The following THADA variants were observed in gnomAD, a reference collection of about 807,000 sequenced individuals.
THADA encodes tRNA (32-2'-O)-methyltransferase regulator THADA.
Under a neutral mutation model 219.8 loss-of-function variants are expected in THADA, and 213 were observed. That is an observed-to-expected ratio of 0.97 (90% CI 0.87 to 1.09). The LOEUF is 1.09. Among genes scored for constraint, THADA ranks in the 50% least tolerant of loss-of-function variants. THADA has a pLI of 0.00. For missense variants in THADA, 2,956 were observed against 2,311.3 expected (o/e 1.28, Z -5.72); for synonymous variants, 1,018 against 828.9 (o/e 1.23, Z -3.92).
At chr2:43,560,443 T>A in intron 15 of THADA, 58 bp from the exon 16 acceptor site, 1 of 1,296,662 alleles carries the variant, frequency 7.7e-7, no homozygotes, top group Non-Finnish European at 1.0e-6. Context: ...ATCAGTCTTC[T>A]GAAGTTATTT....
intron 29 of THADA, among the ~76,000 whole-genome samples, chr2:43,387,144 T>C (rs1368502427): frequency 6.6e-6 from 1 of 152,204 alleles, no homozygotes; most frequent in Non-Finnish European, 1.5e-5. Flanking sequence ...AGACAGCAAC[T>C]GTACCTAGCA....
intron 26 of THADA, among the ~76,000 whole-genome samples, chr2:43,431,641 A>C (rs1348838575): frequency 4.7e-3 from 59 of 12,470 alleles, no homozygotes; most frequent in African/African-American, 0.024. Context: ...AATTTTTTGT[A>C]CTTTTTTTTT....
intron 36 of THADA, among the ~76,000 whole-genome samples, chr2:43,234,127 A>G (rs1667753480): frequency 6.6e-6 from 1 of 152,186 alleles, no homozygotes; most frequent in Non-Finnish European, 1.5e-5. Flanking sequence ...CTGTCTCCCC[A>G]GTCCTTCTAG....
intron 36 of THADA, among the ~76,000 whole-genome samples, chr2:43,252,939 A>G (rs1405353546): frequency 6.6e-6 from 1 of 152,186 alleles, no homozygotes; most frequent in Admixed American, 6.5e-5. Flanking sequence ...CTGATCCTCT[A>G]TATAAACTGT....
chr2:43,243,117 C>T (rs566580568), intron 36 of THADA, among the ~76,000 whole-genome samples: 1 of 152,314 alleles, frequency 6.6e-6, no homozygotes, highest in African/African-American at 2.4e-5. Flanking sequence ...GCTAGGGCAC[C>T]TGCTGGGCAG....
intron 26 of THADA, among the ~76,000 whole-genome samples, chr2:43,432,901 CCTT>C (rs1449928141): frequency 6.6e-6 from 1 of 152,116 alleles, no homozygotes; most frequent in Non-Finnish European, 1.5e-5. Flanking sequence ...ATGGCATATA[CCTT>C]CTTCTAGTCT....
intron 26 of THADA, among the ~76,000 whole-genome samples, chr2:43,482,829 G>C (rs1029330090): frequency 2.6e-5 from 4 of 152,108 alleles, no homozygotes; most frequent in African/African-American, 4.8e-5. Context: ...TAATTGCCTA[G>C]GACTTCCAAT....
chr2:43,360,100 G>C (rs1669338046), intron 29 of THADA, among the ~76,000 whole-genome samples: 1 of 152,096 alleles, frequency 6.6e-6, no homozygotes, highest in African/African-American at 2.4e-5. Context: ...CATCCATTCA[G>C]GCTCAGCTCA....
Position 43,289,969 on chromosome 2 carries a change from T to G in THADA, c.5010+1727A>C, listed in dbSNP as rs1674495716. ...GTGCCCGGCCCTGGTGTTTTTTTTT[T>G]GTTTTTGTTTTTTTTTTTTTTTTTG... On this transcript the variant is annotated intron_variant, in intron 34 of 37. Coordinates refer to ENST00000405975, the MANE Select transcript of THADA (RefSeq NM_022065.5). Among the ~76,000 whole-genome samples the G allele has an allele frequency of 3.2e-5, 4 of 123,776 alleles. No homozygotes were observed. The South Asian group carries it at 1.1e-3, about 34-fold the overall frequency. 81.2% of individuals were successfully genotyped at this position (123,776 alleles called of 152,430 possible).
At chr2:43,566,946 A>G in intron 14 of THADA, 125 bp from the exon 15 acceptor site, 1 of 659,366 alleles carries the variant, frequency 1.5e-6, no homozygotes, top group South Asian at 3.6e-5. Context: ...ATTTCAAAAA[A>G]TGATACTGGT....
chr2:43,579,378 A>G (rs926254403), intron 8 of THADA, among the ~76,000 whole-genome samples: 1 of 152,198 alleles, frequency 6.6e-6, no homozygotes, highest in African/African-American at 2.4e-5. Context: ...CTTTGCTAGC[A>G]CTGACACTGT....
intron 30 of THADA, among the ~76,000 whole-genome samples, chr2:43,320,860 A>C (rs1573052528): frequency 6.6e-6 from 1 of 152,366 alleles, no homozygotes; most frequent in Middle Eastern, 3.4e-3. Flanking sequence ...GATGGGACAG[A>C]AGGGGTGGGG....
intron 36 of THADA, among the ~76,000 whole-genome samples, chr2:43,256,168 G>C (rs1296104015): frequency 2.0e-5 from 3 of 152,160 alleles, no homozygotes; most frequent in African/African-American, 4.8e-5. Flanking sequence ...AAATGAAGTG[G>C]TAAGGTCCTC....
rs745729441 is a variant in THADA at position 43,508,677 on chromosome 2, G to C, written c.3478C>G (p.Arg1160Gly). The C allele has an allele frequency of 1.9e-5, 30 of 1,613,400 alleles. No individual in the cohort carries two copies. The highest frequency in any genetic ancestry group is 2.5e-5 in the Non-Finnish European group (30 of 1,179,646). The change falls in exon 23 of 38, where the codon CGC becomes GGC. Residue 1160 changes from arginine to glycine, a missense_variant. Physicochemically the swap from Arg to Gly is moderately radical, Grantham distance 125 (BLOSUM62 -2). Coordinates refer to ENST00000405975, the MANE Select transcript of THADA (RefSeq NM_022065.5). ...DPSSKLCATRRSAGIPFYIQA... is the reference protein window; with the variant it reads ...DPSSKLCATRGSAGIPFYIQA... ...ATGTAGAAAGGAATTCCAGCACTGC[G>C]CCTTGTAGCACAGAGTTTAGATGAA...
At chr2:43,468,983 A>G (rs1684591888) in intron 26 of THADA, among the ~76,000 whole-genome samples, 1 of 152,220 alleles carries the variant, frequency 6.6e-6, no homozygotes, top group South Asian at 2.1e-4. Flanking sequence ...TTTTTAAAGC[A>G]ACATCATTGC....
intron 11 of THADA, among the ~76,000 whole-genome samples, chr2:43,573,911 C>T (rs1018339031): frequency 6.6e-6 from 1 of 152,074 alleles, no homozygotes; most frequent in Non-Finnish European, 1.5e-5. Context: ...TGAATTTTGT[C>T]ACTTCCCCAG....
At chr2:43,397,804 A>G (rs1052641537) in intron 29 of THADA, among the ~76,000 whole-genome samples, 167 bp downstream of exon 29, 1 of 152,196 alleles carries the variant, frequency 6.6e-6, no homozygotes, top group Non-Finnish European at 1.5e-5. Flanking sequence ...TTTGGGATGA[A>G]AAAAGTATAA....
At chr2:43,298,360 G>A (rs1402536119) in intron 31 of THADA, among the ~76,000 whole-genome samples, 20 of 109,384 alleles carry the variant, frequency 1.8e-4, no homozygotes, top group Non-Finnish European at 3.0e-4. Context: ...GATTAAGGGC[G>A]GTGCAAGATG....
chr2:43,297,741 G>T (rs1445177562), intron 31 of THADA, among the ~76,000 whole-genome samples: 1 of 112,816 alleles, frequency 8.9e-6, no homozygotes, highest in Non-Finnish European at 1.8e-5. Context: ...TCGGCCCCCC[G>T]CCCGGCCAGC....
Sources: allele counts gnomAD v4.1 joint callset (sites outside exome capture counted in the v4.1 genomes callset), GRCh38; gene constraint gnomAD v4.1.1; transcripts MANE v1.5; gene names NCBI Gene and HGNC (gene_info 2026-07-23, HGNC 2026-07-21).